The following TRPM4 variants were observed in gnomAD, a reference collection of about 807,000 sequenced individuals.
TRPM4 encodes the protein transient receptor potential cation channel subfamily M member 4, also known as calcium-activated non-selective cation channel 1.
TRPM4 carries 124 observed loss-of-function variants against 135.6 expected under a neutral mutation model. That is an observed-to-expected ratio of 0.91 (90% CI 0.79 to 1.06). The LOEUF is 1.06. Ranked by LOEUF, TRPM4 falls within the 50% of genes least tolerant of loss-of-function variation. The probability of loss-of-function intolerance (pLI) is 0.00; values close to 1 mark genes in which losing one functional copy is unlikely to be tolerated. For synonymous variants in TRPM4, 745 were observed against 705.6 expected, an observed-to-expected ratio of 1.06 and a Z score of -0.88; for missense variants, 1,658 against 1,671.4, an observed-to-expected ratio of 0.99 and a Z score of 0.14.
intron 12 of TRPM4, among the ~76,000 whole-genome samples, chr19:49,183,728 T>C (rs952524564): frequency 2.6e-5 from 4 of 151,848 alleles, no homozygotes; most frequent in African/African-American, 9.7e-5. Context: ...TTTTGGCCTT[T>C]GATAATATAT....
intron 19 of TRPM4, among the ~76,000 whole-genome samples, chr19:49,201,690 C>G (rs1968938931): frequency 6.6e-6 from 1 of 152,202 alleles, no homozygotes. Flanking sequence ...CTCCACCTCC[C>G]AGATCGAAGC....
At chr19:49,194,252 CCTT>C (rs1401355984) in intron 16 of TRPM4, among the ~76,000 whole-genome samples, 8 of 152,034 alleles carry the variant, frequency 5.3e-5, no homozygotes. Context: ...TCCTCCTTCT[CCTT>C]CTCCTTTCTT....
chr19:49,201,815 G>A (rs1040741375), intron 19 of TRPM4, 149 bp from the exon 20 acceptor site: 1 of 856,932 alleles, frequency 1.2e-6, no homozygotes, highest in African/African-American at 1.6e-5. Flanking sequence ...GGTCAGGCTA[G>A]TCTCAAACTC....
In TRPM4 at chr19:49,196,438, A is replaced by G; in HGVS notation, c.2211-2A>G. ...CCTCCCTTCTCTTCTCTTCCCCCAC[A>G]GGACGGCGGACCCAGCCGAGAAGAC... On this transcript the variant is annotated splice_acceptor_variant, in intron 16 of 24. Coordinates refer to ENST00000252826, the MANE Select transcript of TRPM4 (RefSeq NM_017636.4). LOFTEE classifies it high-confidence loss of function. 1.3e-6 allele frequency: 2 copies of G among 1,537,022 alleles called. No homozygotes were observed. Among genetic ancestry groups the G allele is most frequent in the Non-Finnish European group, 1.7e-6 (2 of 1,144,748 alleles).
At chr19:49,177,022 G>A (rs950070686) in intron 9 of TRPM4, among the ~76,000 whole-genome samples, 10 of 152,100 alleles carry the variant, frequency 6.6e-5, no homozygotes, top group African/African-American at 2.4e-4. Context: ...GCCCGGTCCC[G>A]GTGGGGGCCC....
intron 4 of TRPM4, 78 bp from the exon 5 acceptor site, chr19:49,168,182 C>T: frequency 1.3e-6 from 2 of 1,574,766 alleles, no homozygotes; most frequent in Middle Eastern, 1.8e-4. Context: ...TCCCCCGCCG[C>T]CCAGTGTGTG....
chr19:49,196,418 C>T, intron 16 of TRPM4, 22 bp from the exon 17 acceptor site: 2 of 1,523,308 alleles, frequency 1.3e-6, no homozygotes, highest in Non-Finnish European at 1.8e-6. Context: ...GGCCTCCTCC[C>T]TTCTCTTCTC....
At chr19:49,194,567 CTTCCTTCCTTCT>C (rs1208560826) in intron 16 of TRPM4, among the ~76,000 whole-genome samples, 7 of 150,810 alleles carry the variant, frequency 4.6e-5, no homozygotes, top group Non-Finnish European at 1.0e-4. Flanking sequence ...TTCCTTCCTC[CTTCCTTCCTTCT>C]TTCCTTCCTT....
chr19:49,181,810 G>A (rs955236948), intron 10 of TRPM4, among the ~76,000 whole-genome samples: 1 of 151,934 alleles, frequency 6.6e-6, no homozygotes, highest in Non-Finnish European at 1.5e-5. Context: ...GGGGTTACAG[G>A]CATGAGCCAC....
chr19:49,182,242 A>G (rs1292044337), intron 10 of TRPM4, among the ~76,000 whole-genome samples: 22 of 144,454 alleles, frequency 1.5e-4, no homozygotes, highest in Admixed American at 9.4e-4. Flanking sequence ...CCATCTATCC[A>G]TCCATCCATC....
At chr19:49,178,340 ACT>A (rs1967781293) in intron 9 of TRPM4, among the ~76,000 whole-genome samples, 2 of 151,708 alleles carry the variant, frequency 1.3e-5, no homozygotes, top group South Asian at 2.1e-4. Context: ...ACAAAAACAG[ACT>A]CTCTGGGAGT....
intron 12 of TRPM4, among the ~76,000 whole-genome samples, chr19:49,185,674 C>A (rs1369344540): frequency 6.6e-6 from 1 of 152,052 alleles, no homozygotes; most frequent in East Asian, 1.9e-4. Flanking sequence ...CTTATGCCCT[C>A]CCTCCAGGGT....
chr19:49,176,290 C>A (rs761790836), intron 9 of TRPM4, among the ~76,000 whole-genome samples: 18 of 152,106 alleles, frequency 1.2e-4, no homozygotes, highest in Non-Finnish European at 2.2e-4. Flanking sequence ...TGCAGTGGGA[C>A]AATCATAGCT....
intron 9 of TRPM4, among the ~76,000 whole-genome samples, chr19:49,176,439 G>C (rs1967697724): frequency 2.6e-5 from 4 of 152,190 alleles, no homozygotes; most frequent in South Asian, 2.1e-4. Flanking sequence ...GGCTGGTCTT[G>C]AACTCTTGGG....
At chr19:49,177,678 G>T (rs973392940) in intron 9 of TRPM4, among the ~76,000 whole-genome samples, 1 of 152,138 alleles carries the variant, frequency 6.6e-6, no homozygotes, top group African/African-American at 2.4e-5. Flanking sequence ...TGGGCAGTTG[G>T]TGTACTCTTT....
At chr19:49,197,308 TTTTC>T (rs78342507) in intron 17 of TRPM4, among the ~76,000 whole-genome samples, 18,290 of 121,386 alleles carry the variant, frequency 0.15, 1,373 homozygotes, top group Middle Eastern at 0.18. Context: ...CTTTCTTTCT[TTTTC>T]TTTCTTTCTT....
rs921877241 is a variant in TRPM4 at position 49,210,275 on chromosome 19, C to A, written c.3198C>A (p.Ile1066=). 11 of 1,614,110 alleles carry A rather than the reference C, an allele frequency of 6.8e-6. No homozygotes were observed. The highest frequency in any genetic ancestry group is 9.3e-6 in the Non-Finnish European group (11 of 1,180,056). The change falls in exon 21 of 25, where the codon ATC becomes ATA. Residue 1066 remains isoleucine (I), a synonymous_variant. Coordinates refer to ENST00000252826, the MANE Select transcript of TRPM4 (RefSeq NM_017636.4). This position sits in a 1 kb window ranked among gnomAD's most constrained non-coding sequence, Gnocchi z 4.1. The stretch of plus-strand genomic sequence containing the variant: ...GGAAGGCGCAGCGTTACCGCCTCAT[C>A]CGGGAATTCCACTCTCGGCCCGCGC... ...LYWKAQRYRL[I]REFHSRPALA...
chr19:49,190,580 A>G (rs1490529432), intron 15 of TRPM4, 116 bp from the exon 16 acceptor site: 1 of 1,115,352 alleles, frequency 9.0e-7, no homozygotes, highest in Non-Finnish European at 1.3e-6. Context: ...ACTTTAGGAG[A>G]CCACCTCTCT....
At chr19:49,169,124 C>T (rs1164400969) in intron 6 of TRPM4, among the ~76,000 whole-genome samples, 4 of 150,852 alleles carry the variant, frequency 2.7e-5, no homozygotes, top group South Asian at 2.1e-4. Flanking sequence ...TGCTTGAACC[C>T]GGGAGGTGGA....
Sources: gnomAD v4.1 joint callset for allele counts (sites outside exome capture counted in the v4.1 genomes callset) on GRCh38, gnomAD v4.1.1 for gene constraint, Gnocchi (gnomAD v3.1) non-coding constraint, MANE v1.5 for transcripts, NCBI Gene and HGNC (gene_info 2026-07-23, HGNC 2026-07-21) for gene names.